The following EHD1 variants were observed in gnomAD, a reference collection of about 807,000 sequenced individuals.
The protein encoded by EHD1 is EH domain containing 1, also known as EH domain-containing protein 1.
EHD1 carries 19 observed loss-of-function variants against 39.0 expected under a neutral mutation model. That is an observed-to-expected ratio of 0.49 (90% CI 0.34 to 0.72). EHD1 has a LOEUF of 0.72. EHD1 is among the 30% of genes least tolerant of loss of function. The pLI is 0.01. For missense variants in EHD1, 542 were observed against 751.5 expected, an observed-to-expected ratio of 0.72 and a Z score of 3.26; for synonymous variants, 323 against 331.2, an observed-to-expected ratio of 0.98 and a Z score of 0.27.
At chr11:64,872,735 A>T (rs1943842963) in intron 2 of EHD1, among the ~76,000 whole-genome samples, 1 of 152,178 alleles carries the variant, frequency 6.6e-6, no homozygotes, top group African/African-American at 2.4e-5. Context: ...GTACGCTCTG[A>T]TGCAGTCCCA....
chr11:64,875,145 A>C (rs1943871676), intron 1 of EHD1, among the ~76,000 whole-genome samples: 2 of 152,230 alleles, frequency 1.3e-5, no homozygotes, highest in African/African-American at 4.8e-5. Flanking sequence ...GCCAGGGCTC[A>C]GCCACGCATA....
chr11:64,861,585 G>A (rs1463024394), intron 2 of EHD1, among the ~76,000 whole-genome samples: 1 of 147,870 alleles, frequency 6.8e-6, no homozygotes, highest in Non-Finnish European at 1.5e-5. Flanking sequence ...GCAAACTACA[G>A]CTCAGGGATC....
At chr11:64,864,070 A>G (rs1490261557) in intron 2 of EHD1, among the ~76,000 whole-genome samples, 3 of 152,258 alleles carry the variant, frequency 2.0e-5, no homozygotes. Flanking sequence ...CCACAGCTTC[A>G]GCCACACAGC....
chr11:64,876,698 C>A (rs1943888729), intron 1 of EHD1, among the ~76,000 whole-genome samples: 2 of 152,202 alleles, frequency 1.3e-5, no homozygotes, highest in Admixed American at 1.3e-4. Context: ...TAAGATCCTT[C>A]CAGCTCTGAA....
intron 1 of EHD1, among the ~76,000 whole-genome samples, chr11:64,874,907 G>A (rs1015182927): frequency 1.3e-5 from 2 of 152,224 alleles, no homozygotes; most frequent in African/African-American, 2.4e-5. Flanking sequence ...TCCAGCACTT[G>A]GCTAAATCTC....
intron 2 of EHD1, among the ~76,000 whole-genome samples, chr11:64,862,646 A>G (rs1196951299): frequency 6.6e-6 from 1 of 152,222 alleles, no homozygotes; most frequent in East Asian, 1.9e-4. Flanking sequence ...GGCCTCTTCA[A>G]CAGCAGTTTT....
At chr11:64,877,165 T>C (rs1943893725) in intron 1 of EHD1, among the ~76,000 whole-genome samples, 1 of 151,866 alleles carries the variant, frequency 6.6e-6, no homozygotes, top group African/African-American at 2.4e-5. Context: ...CGCCTGGGGG[T>C]TGGGACGGGC....
In EHD1 at chr11:64,859,948, C is replaced by G; in HGVS notation, c.891G>C (p.Leu297=). ...RNAALRKLND[L]IKRARLAKVH... ...CCTTGGCCAGCCGTGCCCGCTTGATCAGGTCATTGAGCTTCCTGAGGGCGG... is the reference window on the plus strand; with the variant it reads ...CCTTGGCCAGCCGTGCCCGCTTGATGAGGTCATTGAGCTTCCTGAGGGCGG... Residue 297 remains leucine, a synonymous_variant, in exon 3 of 5, where the codon CTG becomes CTC. Transcript: ENST00000320631. The G allele has an allele frequency of 6.2e-7, 1 of 1,613,144 alleles. No homozygotes were observed. Among genetic ancestry groups the G allele is most frequent in the Non-Finnish European group, 8.5e-7 (1 of 1,179,630 alleles).
At position 64,852,366 on chromosome 11, in the gene EHD1, T is replaced by C. The variant is rs1356045951; in HGVS notation, c.*1967A>G. On this transcript the variant is annotated 3_prime_UTR_variant, in exon 5 of 5. Transcript: ENST00000320631. Reference sequence around the variant, plus strand: ...CCAAAGCCCAGAAACCCTTGTTTACTTGATGCCACCCAGTGCCGAGGGCCT... The same window carrying C: ...CCAAAGCCCAGAAACCCTTGTTTACCTGATGCCACCCAGTGCCGAGGGCCT... 2.0e-5 allele frequency: 2 copies of C among 102,032 alleles called. No homozygotes were observed. Among genetic ancestry groups the C allele is most frequent in the Admixed American group, 1.1e-4 (1 of 9,234 alleles). The allele number at this position is 102,032 out of a possible 1,614,324, so 6.3% of individuals were successfully genotyped here.
At chr11:64,878,668 T>G, upstream of EHD1, 367 of 1,278,126 alleles carry the variant, frequency 2.9e-4, no homozygotes, top group East Asian at 1.1e-3. Context: ...GGTCCCTCAG[T>G]GGCGGCTAGC....
At chr11:64,861,495 G>T (rs962329106) in intron 2 of EHD1, among the ~76,000 whole-genome samples, 4 of 152,198 alleles carry the variant, frequency 2.6e-5, no homozygotes, top group African/African-American at 9.7e-5. Context: ...AAAAGTAACT[G>T]CAGCTGCTAC....
chr11:64,878,118 A>G lies in EHD1; in HGVS notation c.347T>C (p.Val116Ala), dbSNP rs140984667. 1 of 1,560,270 alleles carries G rather than the reference A, an allele frequency of 6.4e-7. No homozygotes were observed. Among genetic ancestry groups the G allele is most frequent in the African/African-American group, 1.4e-5 (1 of 73,440 alleles). Residue 116 changes from valine to alanine, a missense_variant, in exon 1 of 5, where the codon GTG (valine) becomes GCG (alanine). Val to Ala is a moderately conservative substitution (Grantham distance 64). Transcript: ENST00000320631. ...EGVVPGNALV[V>A]DPRRPFRKLN... ...CTTGCGGAAGGGGCGCCGCGGGTCC[A>G]CCACGAGCGCGTTGCCCGGCACCAC...
chr11:64,869,887 C>T (rs79895552), intron 2 of EHD1, among the ~76,000 whole-genome samples: 2,216 of 152,276 alleles, frequency 0.015, 49 homozygotes, highest in African/African-American at 0.05. Context: ...GGGCGGCCCA[C>T]GGCGCAGGCC....
At position 64,854,716 on chromosome 11, in the gene EHD1, C is replaced by T. The variant is rs1051657504; in HGVS notation, c.1222G>A (p.Val408Met). The T allele has an allele frequency of 1.2e-6, 2 of 1,612,876 alleles. No homozygotes were observed. Among genetic ancestry groups the T allele is most frequent in the African/African-American group, 2.7e-5 (2 of 74,922 alleles). The change falls in exon 5 of 5, where the codon GTG (valine) becomes ATG (methionine). Residue 408 changes from valine to methionine, a missense_variant. Transcript: ENST00000320631. ...CCGTCAAAGGCGCCGCCCTTGACCA[C>T]CTGGGAAGGCATCAGGGACTCCTCC... ...RQEESLMPSQVVKGGAFDGTM... is the reference protein window; with the variant it reads ...RQEESLMPSQMVKGGAFDGTM...
At chr11:64,856,455 TGTTCAG>T (rs1190014029) in intron 3 of EHD1, 2 of 152,306 alleles carry the variant, frequency 1.3e-5, no homozygotes, top group African/African-American at 4.8e-5. Flanking sequence ...GGCATGTGCC[TGTTCAG>T]GGCGGCACCC....
intron 2 of EHD1, among the ~76,000 whole-genome samples, chr11:64,873,744 T>C (rs1266327076): frequency 6.6e-6 from 1 of 151,668 alleles, no homozygotes; most frequent in Admixed American, 6.6e-5. Flanking sequence ...TGGCGCGATC[T>C]CGGCTCACTG....
chr11:64,861,297 C>T (rs183482265), intron 2 of EHD1, among the ~76,000 whole-genome samples: 87 of 152,272 alleles, frequency 5.7e-4, no homozygotes, highest in Middle Eastern at 3.4e-3. Context: ...CCATGTAGCA[C>T]TTGGCATAAA....
Position 64,878,358 on chromosome 11 carries a change from A to C in EHD1, c.107T>G (p.Leu36Arg), listed in dbSNP as rs527316623. 1 of 1,613,958 alleles carries C rather than the reference A, an allele frequency of 6.2e-7. No individual in the cohort carries two copies. Among genetic ancestry groups the C allele is most frequent in the East Asian group, 2.2e-5 (1 of 44,894 alleles). The change falls in exon 1 of 5, where the codon CTG becomes CGG. Residue 36 changes from leucine to arginine, a missense_variant. Transcript: ENST00000320631. ...RQLYAQKLLPLEEHYRFHEFH... is the reference protein window; with the variant it reads ...RQLYAQKLLPREEHYRFHEFH... ...CTCGTGGAAGCGGTAGTGCTCCTCC[A>C]GGGGTAGCAGCTTCTGCGCGTACAG...
In EHD1 at chr11:64,852,337, G is replaced by A. The variant is rs1039662309; in HGVS notation, c.*1996C>T. ...CTTGGGGCTAGCAAGGAGCCAGTCT[G>A]GCTCCAAAGCCCAGAAACCCTTGTT... On this transcript the variant is annotated 3_prime_UTR_variant, in exon 5 of 5. Coordinates refer to ENST00000320631, the MANE Select transcript of EHD1 (RefSeq NM_006795.4). 2.0e-5 allele frequency: 3 copies of A among 151,730 alleles called. No individual in the cohort carries two copies. The highest frequency in any genetic ancestry group is 4.2e-4 in the South Asian group (2 of 4,814). The allele number at this position is 151,730 out of a possible 1,614,324, so 9.4% of individuals were successfully genotyped here.
Sources: gnomAD v4.1 joint callset for allele counts (sites outside exome capture counted in the v4.1 genomes callset) on GRCh38, gnomAD v4.1.1 for gene constraint, MANE v1.5 for transcripts, NCBI Gene and HGNC (gene_info 2026-07-23, HGNC 2026-07-21) for gene names.